SMARCC1: variants seen among roughly 807,000 people sequenced by gnomAD.
SMARCC1 encodes the protein SWI/SNF related BAF chromatin remodeling complex subunit C1.
In SMARCC1, 43 loss-of-function variants were observed where a neutral mutation model predicts 147.4. That is an observed-to-expected ratio of 0.29 (90% confidence interval 0.23 to 0.38). SMARCC1 has a LOEUF of 0.38. Ranked by LOEUF, SMARCC1 falls within the 10% of genes least tolerant of loss-of-function variation. The pLI is 1.00. For missense variants in SMARCC1, 1,119 were observed against 1,381.1 expected, an observed-to-expected ratio of 0.81 and a Z score of 3.01; for synonymous variants, 495 against 484.4, an observed-to-expected ratio of 1.02 and a Z score of -0.29.
intron 27 of SMARCC1, among the ~76,000 whole-genome samples, chr3:47,590,098 G>T (rs2032151886): frequency 6.6e-6 from 1 of 152,220 alleles, no homozygotes; most frequent in Non-Finnish European, 1.5e-5. Flanking sequence ...CACAGCCTCA[G>T]ACAAGTATCA....
intron 8 of SMARCC1, among the ~76,000 whole-genome samples, chr3:47,712,881 T>A (rs1210157611): frequency 1.3e-5 from 2 of 152,216 alleles, no homozygotes; most frequent in Non-Finnish European, 2.9e-5. Flanking sequence ...TTCCCAGTTC[T>A]GATACTATAA....
intron 25 of SMARCC1, among the ~76,000 whole-genome samples, chr3:47,615,670 A>ATTTC (rs1559626242): frequency 6.6e-6 from 1 of 151,568 alleles, no homozygotes; most frequent in African/African-American, 2.4e-5. Flanking sequence ...AAGGTACACA[A>ATTTC]TTTCTTTCTT....
chr3:47,654,086 A>C (rs2033227323), intron 21 of SMARCC1, among the ~76,000 whole-genome samples: 1 of 152,248 alleles, frequency 6.6e-6, no homozygotes, highest in Admixed American at 6.5e-5. Flanking sequence ...CTAATGCTCT[A>C]TGGTATCGTC....
intron 14 of SMARCC1, among the ~76,000 whole-genome samples, chr3:47,682,618 G>T (rs1026263316): frequency 6.6e-6 from 1 of 152,112 alleles, no homozygotes; most frequent in African/African-American, 2.4e-5. Context: ...TTAGGCCATT[G>T]TACTAACGAG....
At chr3:47,642,287 A>G (rs1248501785) in intron 21 of SMARCC1, among the ~76,000 whole-genome samples, 1 of 152,162 alleles carries the variant, frequency 6.6e-6, no homozygotes, top group African/African-American at 2.4e-5. Context: ...ACCAATAAAT[A>G]TAAGAAAAGA....
rs766785988 is a variant in SMARCC1 at position 47,706,566 on chromosome 3, C to T, written c.919-36G>A. ...GTAAATGGAAATAAGTATCAGCTAT[C>T]TTTGCTCCTCAGTTTCTACAAATCC... On this transcript the variant is annotated intron_variant, in intron 9 of 27. Transcript: ENST00000254480. The T allele has an allele frequency of 2.7e-6, 4 of 1,502,420 alleles. No homozygotes were observed. In the South Asian group the frequency reaches 5.4e-5, roughly 20 times the overall value. The allele number at this position is 1,502,420 out of a possible 1,614,324, so 93.1% of individuals were successfully genotyped here.
intron 26 of SMARCC1, among the ~76,000 whole-genome samples, chr3:47,605,482 C>T (rs1188496231): frequency 1.3e-5 from 2 of 152,068 alleles, no homozygotes; most frequent in Admixed American, 6.6e-5. Flanking sequence ...GTGGAAGAAG[C>T]CAGATGTGGC....
At chr3:47,751,241 G>T (rs1464069016) in intron 2 of SMARCC1, among the ~76,000 whole-genome samples, 1 of 152,008 alleles carries the variant, frequency 6.6e-6, no homozygotes, top group Non-Finnish European at 1.5e-5. Context: ...CAGATGATGA[G>T]AATGAAGTAG....
chr3:47,713,012 C>A (rs2034108205), intron 8 of SMARCC1, among the ~76,000 whole-genome samples: 1 of 152,028 alleles, frequency 6.6e-6, no homozygotes, highest in African/African-American at 2.4e-5. Flanking sequence ...CATTTAATTT[C>A]CAAAAATAGT....
chr3:47,588,236 A>G lies in SMARCC1; in HGVS notation c.3291T>C (p.Pro1097=). 6.2e-7 allele frequency: 1 copy of G among 1,613,828 alleles called. No individual in the cohort carries two copies. Among genetic ancestry groups the G allele is most frequent in the Non-Finnish European group, 8.5e-7 (1 of 1,179,878 alleles). ...PADGVPPPPA[P]GPPASAAP is the part of the protein sequence containing the mutation. ...AAGGAGCAGCTGAGGCTGGCGGGCC[A>G]GGAGCAGGAGGCGGAGGGACCCCAT... is the stretch of plus-strand genomic sequence containing the variant. The change falls in exon 28 of 28, where the codon CCT becomes CCC. Residue 1097 remains proline, a synonymous_variant. Coordinates refer to ENST00000254480, the MANE Select transcript of SMARCC1 (RefSeq NM_003074.4).
At chr3:47,604,748 G>A (rs901360514) in intron 26 of SMARCC1, 1 of 129,216 alleles carries the variant, frequency 7.7e-6, no homozygotes, top group African/African-American at 2.9e-5. Context: ...GCCCAGGCTG[G>A]AGTGCAGTGG....
intron 14 of SMARCC1, among the ~76,000 whole-genome samples, chr3:47,681,697 T>C (rs965516093): frequency 6.6e-6 from 1 of 152,170 alleles, no homozygotes; most frequent in Non-Finnish European, 1.5e-5. Flanking sequence ...TTAAATTAAA[T>C]TGGATTTGTA....
At chr3:47,780,416 C>CCGCCCGGCCTTCCAAGCCG (rs1483854783) in intron 1 of SMARCC1, among the ~76,000 whole-genome samples, 5 of 151,944 alleles carry the variant, frequency 3.3e-5, no homozygotes, top group East Asian at 3.9e-4. Context: ...GGTGATCCAC[C>CCGCCCGGCCTTCCAAGCCG]CGCCCGGCCT....
intron 25 of SMARCC1, among the ~76,000 whole-genome samples, chr3:47,613,022 A>C (rs537009399): frequency 6.6e-6 from 1 of 152,334 alleles, no homozygotes; most frequent in Admixed American, 6.5e-5. Flanking sequence ...GACTGCATTC[A>C]CTTTTGTGGC....
chr3:47,729,479 G>A (rs189652068), intron 5 of SMARCC1, among the ~76,000 whole-genome samples: 38 of 152,230 alleles, frequency 2.5e-4, no homozygotes, highest in Admixed American at 2.3e-3. Context: ...TCCGTCTCCT[G>A]GGTTCAAACG....
intron 25 of SMARCC1, among the ~76,000 whole-genome samples, chr3:47,620,183 C>T (rs772337293): frequency 5.3e-5 from 8 of 152,124 alleles, no homozygotes; most frequent in Non-Finnish European, 1.2e-4. Context: ...TTATTTTTGG[C>T]CAGGTGCGGT....
chr3:47,667,483 C>A (rs924382482), intron 19 of SMARCC1, among the ~76,000 whole-genome samples: 2 of 152,166 alleles, frequency 1.3e-5, no homozygotes, highest in Non-Finnish European at 2.9e-5. Flanking sequence ...AGAGCTATCA[C>A]GGGAGAATCA....
At chr3:47,770,971 C>A (rs994885850) in intron 2 of SMARCC1, among the ~76,000 whole-genome samples, 1 of 152,060 alleles carries the variant, frequency 6.6e-6, no homozygotes, top group African/African-American at 2.4e-5. Flanking sequence ...GAGGCAGTGG[C>A]GCAATCTCGG....
At chr3:47,644,125 T>C (rs139676822) in intron 21 of SMARCC1, among the ~76,000 whole-genome samples, 1 of 152,192 alleles carries the variant, frequency 6.6e-6, no homozygotes, top group African/African-American at 2.4e-5. Flanking sequence ...AAGGCTAAAA[T>C]GAGAAATGAT....
Sources: allele counts gnomAD v4.1 joint callset (sites outside exome capture counted in the v4.1 genomes callset), GRCh38; gene constraint gnomAD v4.1.1; transcripts MANE v1.5; gene names NCBI Gene and HGNC (gene_info 2026-07-23, HGNC 2026-07-21).